SUPT20H: variants seen among roughly 807,000 people sequenced by gnomAD.
SUPT20H encodes SPT20 homolog, SAGA complex component, also known as transcription factor SPT20 homolog.
In SUPT20H, 82 loss-of-function variants were observed where a neutral mutation model predicts 122.8. That is an observed-to-expected ratio of 0.67 (90% CI 0.56 to 0.80). The LOEUF (loss-of-function observed/expected upper bound fraction) is 0.80, where lower values mean the gene tolerates loss of function less well. Among genes scored for constraint, SUPT20H ranks in the 30% least tolerant of loss-of-function variants. SUPT20H has a pLI of 0.00. For missense variants in SUPT20H, 831 were observed against 921.6 expected (o/e 0.90, Z 1.27); for synonymous variants, 291 against 313.0 (o/e 0.93, Z 0.74).
At chr13:37,023,965 A>C in intron 19 of SUPT20H, 70 bp downstream of exon 19, 2 of 1,502,292 alleles carry the variant, frequency 1.3e-6, no homozygotes, top group South Asian at 1.4e-5. Flanking sequence ...CAGGTTGAAA[A>C]AAGCTGTCTT....
At chr13:37,026,710 G>GTCTTTT in intron 15 of SUPT20H, 80 bp downstream of exon 15, 2 of 824,962 alleles carry the variant, frequency 2.4e-6, no homozygotes, top group Non-Finnish European at 3.7e-6. Context: ...TTCAAATAAA[G>GTCTTTT]TATATTTAGC....
At chr13:37,041,846 T>C (rs2065526368) in intron 7 of SUPT20H, among the ~76,000 whole-genome samples, 1 of 152,206 alleles carries the variant, frequency 6.6e-6, no homozygotes, top group African/African-American at 2.4e-5. Flanking sequence ...AAAGTAATTT[T>C]AGATAGTGAT....
chr13:37,009,852 G>A, intron 25 of SUPT20H, 43 bp from the exon 26 acceptor site: 1 of 1,591,150 alleles, frequency 6.3e-7, no homozygotes, highest in Non-Finnish European at 8.5e-7. Context: ...TTAAATGCAG[G>A]CAGGTGTAGA....
intron 6 of SUPT20H, among the ~76,000 whole-genome samples, chr13:37,044,651 A>G (rs1378944510): frequency 6.6e-6 from 1 of 152,198 alleles, no homozygotes; most frequent in Non-Finnish European, 1.5e-5. Flanking sequence ...AATTCACATT[A>G]TCATCATATT....
chr13:37,026,303 G>A, intron 15 of SUPT20H, 67 bp from the exon 16 acceptor site: 7 of 1,152,608 alleles, frequency 6.1e-6, no homozygotes, highest in Non-Finnish European at 8.2e-6. Flanking sequence ...GAAGGCTTGG[G>A]ATTACTTTTG....
intron 2 of SUPT20H, 152 bp from the exon 3 acceptor site, chr13:37,048,751 A>AT: frequency 1.8e-6 from 1 of 542,388 alleles, no homozygotes; most frequent in East Asian, 3.3e-5. Context: ...ATATATATAT[A>AT]ACAAAGAAAA....
intron 1 of SUPT20H, among the ~76,000 whole-genome samples, chr13:37,054,803 A>G (rs1375016259): frequency 4.6e-5 from 7 of 152,206 alleles, no homozygotes; most frequent in Non-Finnish European, 1.0e-4. Context: ...AGGGTATTCA[A>G]TTAGGAAAAG....
chr13:37,018,287 A>C (rs2060882176), intron 22 of SUPT20H, among the ~76,000 whole-genome samples: 1 of 152,216 alleles, frequency 6.6e-6, no homozygotes, highest in Non-Finnish European at 1.5e-5. Flanking sequence ...ATTCCTGTTA[A>C]CACTGAGACT....
intron 7 of SUPT20H, 75 bp from the exon 8 acceptor site, chr13:37,040,767 C>T (rs770877975): frequency 1.3e-4 from 147 of 1,117,792 alleles, no homozygotes; most frequent in Non-Finnish European, 1.8e-4. Context: ...TCAAACATTT[C>T]GCATTCTTTA....
At position 37,033,603 on chromosome 13, in the gene SUPT20H, A is replaced by T; in HGVS notation, c.568-15T>A. On this transcript the variant is annotated splice_polypyrimidine_tract_variant and intron_variant, in intron 9 of 25. Transcript: ENST00000350612. ...AGTTTGTCTTCCTGAAATGTGTAAG[A>T]GCATATGTCAATACCAGATTTAAGA... is the stretch of plus-strand genomic sequence containing the variant. The T allele has an allele frequency of 1.2e-6, 2 of 1,610,610 alleles. No individual in the cohort carries two copies. Among genetic ancestry groups the T allele is most frequent in the Non-Finnish European group, 1.7e-6 (2 of 1,178,604 alleles).
Position 37,009,514 on chromosome 13 carries a change from T to A in SUPT20H, c.*158A>T, listed in dbSNP as rs185586458. On this transcript the variant is annotated 3_prime_UTR_variant, in exon 26 of 26. Coordinates refer to ENST00000350612, the MANE Select transcript of SUPT20H (RefSeq NM_001014286.3). Reference sequence around the variant, plus strand: ...CCTAGTTTGTTAAACCATTTCCCTGTTTTTATTTAAAAATGATAAGGTTGT... The same window carrying A: ...CCTAGTTTGTTAAACCATTTCCCTGATTTTATTTAAAAATGATAAGGTTGT... 2 of 1,001,116 alleles carry A rather than the reference T, an allele frequency of 2.0e-6. No homozygotes were observed. The highest frequency in any genetic ancestry group is 3.0e-6 in the Non-Finnish European group (2 of 670,288). 62.0% of individuals were successfully genotyped at this position (1,001,116 alleles called of 1,614,324 possible).
intron 9 of SUPT20H, among the ~76,000 whole-genome samples, chr13:37,034,171 AG>A (rs2063918974): frequency 6.6e-6 from 1 of 152,218 alleles, no homozygotes; most frequent in African/African-American, 2.4e-5. Context: ...ACTGAAAGGA[AG>A]AGTCACACAT....
intron 7 of SUPT20H, among the ~76,000 whole-genome samples, chr13:37,042,262 TA>T (rs1266627998): frequency 1.1e-4 from 16 of 152,258 alleles, no homozygotes; most frequent in African/African-American, 3.9e-4. Flanking sequence ...GGAGGTAAAA[TA>T]AAGCTCTGTT....
In SUPT20H at chr13:37,017,234, A is replaced by G. The variant is rs769230072; in HGVS notation, c.1992+11T>C. The G allele has an allele frequency of 2.3e-5, 37 of 1,614,062 alleles. No homozygotes were observed. In the South Asian group the frequency reaches 3.7e-4, roughly 16 times the overall value. On this transcript the variant is annotated intron_variant, in intron 23 of 25. Coordinates refer to ENST00000350612, the MANE Select transcript of SUPT20H (RefSeq NM_001014286.3). ...GATGTAAAAGCATATGGAAGGCTAG[A>G]AAATCCATACCTGCTCCCCTGGCTG...
At chr13:37,047,664 GTTAT>G in intron 4 of SUPT20H, 63 bp from the exon 5 acceptor site, 3 of 1,294,646 alleles carry the variant, frequency 2.3e-6, no homozygotes, top group Non-Finnish European at 3.1e-6. Context: ...TGACATGAAT[GTTAT>G]TTAATTTTTT....
intron 7 of SUPT20H, 113 bp from the exon 8 acceptor site, chr13:37,040,805 T>A: frequency 1.3e-6 from 1 of 741,004 alleles, no homozygotes; most frequent in Non-Finnish European, 2.4e-6. Flanking sequence ...TGGCCACTCA[T>A]GTATGTACTC....
rs756399909 is a variant in SUPT20H at position 37,022,748 on chromosome 13, T to G, written c.1592-668A>C. Reference sequence around the variant, plus strand: ...TAAACTGTAAACATATTTAATAAGTTACATATGGTTAACAATCATATTTGG... The same window carrying G: ...TAAACTGTAAACATATTTAATAAGTGACATATGGTTAACAATCATATTTGG... On this transcript the variant is annotated intron_variant, in intron 19 of 25. Transcript: ENST00000350612. The surrounding 1 kb of genome is among the most constrained non-coding windows in gnomAD (Gnocchi z 4.5). The G allele has an allele frequency of 7.9e-5, 79 of 997,780 alleles. No individual in the cohort carries two copies. Among genetic ancestry groups the G allele is most frequent in the Non-Finnish European group, 9.1e-5 (76 of 834,478 alleles). 61.8% of individuals were successfully genotyped at this position (997,780 alleles called of 1,614,324 possible).
At chr13:37,018,509 G>A (rs1211108315) in intron 22 of SUPT20H, among the ~76,000 whole-genome samples, 1 of 152,148 alleles carries the variant, frequency 6.6e-6, no homozygotes, top group Non-Finnish European at 1.5e-5. Flanking sequence ...ATCTGTTATT[G>A]TTATTTCCCA....
rs761470265 is a variant in SUPT20H, at chr13:37,009,621, T to C, written c.*51A>G. ...ACAAAAAGTAGAAACTCAATTCTTT[T>C]GATTCAGTGCTCTTGTGTTTTTAAA... On this transcript the variant is annotated 3_prime_UTR_variant, in exon 26 of 26. Coordinates refer to ENST00000350612, the MANE Select transcript of SUPT20H (RefSeq NM_001014286.3). 1 of 1,608,146 alleles carries C rather than the reference T, an allele frequency of 6.2e-7. No homozygotes were observed. The highest frequency in any genetic ancestry group is 1.1e-5 in the South Asian group (1 of 90,636).
Sources: allele counts gnomAD v4.1 joint callset (sites outside exome capture counted in the v4.1 genomes callset), GRCh38; gene constraint gnomAD v4.1.1; non-coding constraint Gnocchi (gnomAD v3.1); transcripts MANE v1.5; gene names NCBI Gene and HGNC (gene_info 2026-07-23, HGNC 2026-07-21).